GALNT17: variants seen among roughly 807,000 people sequenced by gnomAD.
The protein encoded by GALNT17 is UDP-GalNAc:polypeptide N-acetylgalactosaminyltransferase-like 3.
Under a neutral mutation model 63.7 loss-of-function variants are expected in GALNT17, and 29 were observed. The observed-to-expected ratio is 0.46, with a 90% confidence interval of 0.34 to 0.62. The LOEUF is 0.62. Ranked by LOEUF, GALNT17 falls within the 20% of genes least tolerant of loss-of-function variation. The pLI is 0.01. For missense variants in GALNT17, 603 were observed against 799.6 expected, an observed-to-expected ratio of 0.75 and a Z score of 2.97; for synonymous variants, 305 against 318.3, an observed-to-expected ratio of 0.96 and a Z score of 0.45.
chr7:71,468,244 G>A (rs1394539248), intron 5 of GALNT17, among the ~76,000 whole-genome samples: 1 of 151,908 alleles, frequency 6.6e-6, no homozygotes, highest in African/African-American at 2.4e-5. Flanking sequence ...TGCCCAGGCT[G>A]GTCTCCAGCT....
chr7:71,418,679 T>C (rs1388015206), intron 4 of GALNT17, among the ~76,000 whole-genome samples: 1 of 151,968 alleles, frequency 6.6e-6, no homozygotes, highest in Non-Finnish European at 1.5e-5. Context: ...GGGGAAGGAG[T>C]GTGCTTCTCT....
chr7:71,566,512 G>C (rs146982916), intron 5 of GALNT17, among the ~76,000 whole-genome samples: 1 of 152,096 alleles, frequency 6.6e-6, no homozygotes, highest in Non-Finnish European at 1.5e-5. Context: ...CTAACGCCGA[G>C]GACATCTCCC....
intron 1 of GALNT17, among the ~76,000 whole-genome samples, chr7:71,191,640 A>G (rs1379957499): frequency 6.6e-6 from 1 of 152,158 alleles, no homozygotes; most frequent in Non-Finnish European, 1.5e-5. Context: ...GTCGTCTTCT[A>G]TGTGTGGATC....
intron 5 of GALNT17, among the ~76,000 whole-genome samples, chr7:71,555,820 C>T (rs1789155006): frequency 6.6e-6 from 1 of 152,220 alleles, no homozygotes; most frequent in African/African-American, 2.4e-5. Context: ...GGTCTGCTGT[C>T]CTTAATATCT....
chr7:71,416,868 T>C (rs1038155852), intron 4 of GALNT17, among the ~76,000 whole-genome samples: 1 of 152,172 alleles, frequency 6.6e-6, no homozygotes, highest in African/African-American at 2.4e-5. Context: ...TTTCTGCAGA[T>C]AGGCCCTGAT....
chr7:71,493,873 T>TCC (rs1788050849), intron 5 of GALNT17, among the ~76,000 whole-genome samples: 3 of 152,336 alleles, frequency 2.0e-5, no homozygotes, highest in Admixed American at 6.5e-5. Context: ...TATGTTCTCT[T>TCC]TCTCTCTCTA....
At chr7:71,517,811 A>G (rs963501701) in intron 5 of GALNT17, among the ~76,000 whole-genome samples, 1 of 152,244 alleles carries the variant, frequency 6.6e-6, no homozygotes, top group African/African-American at 2.4e-5. Context: ...ACATGGAAGC[A>G]TCTAACTCCC....
chr7:71,407,345 T>G (rs1404483457), intron 3 of GALNT17, among the ~76,000 whole-genome samples: 1 of 152,188 alleles, frequency 6.6e-6, no homozygotes, highest in African/African-American at 2.4e-5. Flanking sequence ...CTGACCAGAC[T>G]GGGCTTTAGG....
intron 6 of GALNT17, among the ~76,000 whole-genome samples, chr7:71,631,747 C>G (rs1013045976): frequency 2.0e-5 from 3 of 151,970 alleles, no homozygotes; most frequent in African/African-American, 7.3e-5. Flanking sequence ...GAATGGGAGC[C>G]ATGGGAGGGT....
intron 5 of GALNT17, among the ~76,000 whole-genome samples, chr7:71,502,273 C>A (rs1422956992): frequency 6.6e-6 from 1 of 152,180 alleles, no homozygotes; most frequent in African/African-American, 2.4e-5. Context: ...ATTAGTATAT[C>A]CCATCTTTCA....
At chr7:71,417,177 T>C (rs7798395) in intron 4 of GALNT17, among the ~76,000 whole-genome samples, 11,266 of 152,250 alleles carry the variant, frequency 0.074, 462 homozygotes, top group African/African-American at 0.093. Flanking sequence ...TGTTGTTCAC[T>C]GTACTAGATT....
chr7:71,280,113 TG>T (rs1184384499), intron 1 of GALNT17, among the ~76,000 whole-genome samples: 1 of 152,122 alleles, frequency 6.6e-6, no homozygotes. Flanking sequence ...GTGAGCTTTT[TG>T]CCTTTGGATC....
rs77679922 is a variant in GALNT17, at chr7:71,299,064, C to T, written c.239-36486C>T. Among the ~76,000 whole-genome samples, 31 of 152,078 alleles carry T rather than the reference C, an allele frequency of 2.0e-4. No homozygotes were observed. The East Asian group carries it at 5.6e-3, about 28-fold the overall frequency. The stretch of plus-strand genomic sequence containing the variant: ...TCGGAACATTTTAGTCACTCACCTG[C>T]GGAGAGAGGGAGACTATAGGGCCTT... On this transcript the variant is annotated intron_variant, in intron 1 of 10. Transcript: ENST00000333538.
rs59095394 is a variant in GALNT17 at position 71,691,208 on chromosome 7, C to CA, written c.1500+13903dup. 4.1e-3 allele frequency among the ~76,000 whole-genome samples: 618 copies of CA among 152,300 alleles called. 10 individuals are homozygous for CA. Among genetic ancestry groups the CA allele is most frequent in the African/African-American group, 0.014 (587 of 41,556 alleles). On this transcript the variant is annotated intron_variant, in intron 9 of 10. Transcript: ENST00000333538. The stretch of plus-strand genomic sequence containing the variant: ...CCACCACCCCGCCACCCTGATCAGT[C>CA]AGCAGCCATAACATCAAGCCGTGAC...
At chr7:71,295,454 G>C (rs10950256) in intron 1 of GALNT17, among the ~76,000 whole-genome samples, 151,306 of 152,142 alleles carry the variant, frequency 0.99, 75,241 homozygotes, top group East Asian at 1. Flanking sequence ...TGTGTATTTT[G>C]TTTCTCTCTG....
chr7:71,394,751 CTTTAT>C (rs1712391463), intron 3 of GALNT17, among the ~76,000 whole-genome samples: 1 of 152,114 alleles, frequency 6.6e-6, no homozygotes, highest in African/African-American at 2.4e-5. Context: ...CATAGCCATT[CTTTAT>C]TTTTCCTCAC....
chr7:71,260,837 C>T (rs558372533), intron 1 of GALNT17, among the ~76,000 whole-genome samples: 2 of 152,164 alleles, frequency 1.3e-5, no homozygotes, highest in Non-Finnish European at 2.9e-5. Context: ...CTCCTGGACT[C>T]AAGCAATTCT....
At chr7:71,383,832 A>G (rs1214802881) in intron 2 of GALNT17, among the ~76,000 whole-genome samples, 2 of 152,162 alleles carry the variant, frequency 1.3e-5, no homozygotes, top group African/African-American at 4.8e-5. Context: ...GACTCCACAT[A>G]CTACATTTTC....
chr7:71,556,185 T>TA (rs1377272495), intron 5 of GALNT17, among the ~76,000 whole-genome samples: 1 of 152,224 alleles, frequency 6.6e-6, no homozygotes, highest in East Asian at 1.9e-4. Flanking sequence ...GCTGTCTTCT[T>TA]ACCTGAATCT....
Sources: gnomAD v4.1 joint callset for allele counts (sites outside exome capture counted in the v4.1 genomes callset) on GRCh38, gnomAD v4.1.1 for gene constraint, MANE v1.5 for transcripts, NCBI Gene and HGNC (gene_info 2026-07-23, HGNC 2026-07-21) for gene names.